Variants in ITPK1 observed in about 807,000 individuals in gnomAD.
The protein encoded by ITPK1 is inositol-tetrakisphosphate 1-kinase.
A neutral mutation model predicts 45.3 loss-of-function variants in ITPK1; 21 were observed. The ratio of observed to expected loss-of-function variants is 0.46; its 90% CI spans 0.33 to 0.67. The LOEUF (loss-of-function observed/expected upper bound fraction) is 0.67. Among genes scored for constraint, ITPK1 ranks in the 30% least tolerant of loss-of-function variants. The pLI is 0.02. For missense variants in ITPK1, 474 were observed against 573.5 expected, an observed-to-expected ratio of 0.83 and a Z score of 1.77; for synonymous variants, 258 against 253.6, an observed-to-expected ratio of 1.02 and a Z score of -0.16.
chr14:93,057,160 TC>T (rs914823004), intron 3 of ITPK1, among the ~76,000 whole-genome samples: 144 of 152,226 alleles, frequency 9.5e-4, no homozygotes, highest in African/African-American at 3.3e-3. Context: ...GCACAGTGAC[TC>T]CCCAGGGTCA....
intron 3 of ITPK1, among the ~76,000 whole-genome samples, chr14:93,048,342 T>C (rs375631793): frequency 8.5e-5 from 13 of 152,330 alleles, no homozygotes; most frequent in Admixed American, 5.2e-4. Flanking sequence ...CAAAAAACAA[T>C]TCCAACAAGC....
In ITPK1 at chr14:93,072,741, C is replaced by T. The variant is rs76427504; in HGVS notation, c.120+3854G>A. ...GTGATCCTCCCACCTCAGCCCCAAG[C>T]GGTCATACACCACCACACCCAACTA... On this transcript the variant is annotated intron_variant, in intron 3 of 10. Transcript: ENST00000267615. 1.3e-3 allele frequency among the ~76,000 whole-genome samples: 205 copies of T among 151,962 alleles called. 1 individual carries two copies. The East Asian group carries it at 0.035, about 26-fold the overall frequency.
At position 92,941,876 on chromosome 14, in the gene ITPK1, T is replaced by C. The variant is rs138417145; in HGVS notation, c.930A>G (p.Thr310=). Residue 310 remains threonine, a synonymous_variant, in exon 11 of 11, where the codon ACA becomes ACG. Transcript: ENST00000267615. The part of the protein sequence containing the change: ...PGYEGVSEFF[T]DLLNHIATVL... ...CAGTGGCGATGTGGTTCAGGAGGTCTGTGAAGAACTCGCTCACGCCCTCGT... is the reference window on the plus strand; with the variant it reads ...CAGTGGCGATGTGGTTCAGGAGGTCCGTGAAGAACTCGCTCACGCCCTCGT... The C allele has an allele frequency of 1.7e-5, 27 of 1,612,546 alleles. No individual in the cohort carries two copies. In the East Asian group the frequency reaches 5.6e-4, roughly 33 times the overall value.
At chr14:93,021,609 G>T (rs1033074633) in intron 3 of ITPK1, among the ~76,000 whole-genome samples, 1 of 141,932 alleles carries the variant, frequency 7.0e-6, no homozygotes, top group Admixed American at 7.3e-5. Context: ...AAAAAGAAAA[G>T]AAAAAGAAAA....
intron 4 of ITPK1, 119 bp from the exon 5 acceptor site, chr14:92,994,116 G>A (rs1886930017): frequency 2.9e-6 from 2 of 684,312 alleles, no homozygotes; most frequent in African/African-American, 1.7e-5. Context: ...AGCTTTGGTG[G>A]AGGGTGGTGC....
chr14:92,946,914 C>G (rs1193516914), intron 9 of ITPK1, among the ~76,000 whole-genome samples: 2 of 152,210 alleles, frequency 1.3e-5, no homozygotes, highest in Non-Finnish European at 2.9e-5. Context: ...CCCGGGAAGA[C>G]ATGGTGCAGA....
At chr14:93,115,493 C>A (rs139316751) in intron 1 of ITPK1, among the ~76,000 whole-genome samples, 188 bp from the exon 2 acceptor site, 22,572 of 149,364 alleles carry the variant, frequency 0.15, 2,109 homozygotes, top group South Asian at 0.28. Flanking sequence ...GGCTGGGGCA[C>A]GGCTGAGCCT....
chr14:92,980,523 T>C (rs1282443221), intron 5 of ITPK1, among the ~76,000 whole-genome samples: 1 of 152,122 alleles, frequency 6.6e-6, no homozygotes. Flanking sequence ...CTGCCTGGCC[T>C]TTGTCTGTGC....
At chr14:93,072,585 T>C (rs1228001384) in intron 3 of ITPK1, among the ~76,000 whole-genome samples, 5 of 151,600 alleles carry the variant, frequency 3.3e-5, no homozygotes, top group Non-Finnish European at 7.4e-5. Flanking sequence ...AGAATTACAG[T>C]AATCTAGTCA....
intron 5 of ITPK1, among the ~76,000 whole-genome samples, chr14:92,984,221 C>A (rs1198216252): frequency 6.6e-6 from 1 of 152,188 alleles, no homozygotes; most frequent in Non-Finnish European, 1.5e-5. Context: ...GAGGGCCCCA[C>A]ACACTAATAC....
At chr14:93,072,328 AAATTT>A (rs1891046435) in intron 3 of ITPK1, among the ~76,000 whole-genome samples, 2 of 151,864 alleles carry the variant, frequency 1.3e-5, no homozygotes, top group Non-Finnish European at 2.9e-5. Context: ...TAAATAAGTA[AAATTT>A]AATAAATAAA....
intron 5 of ITPK1, among the ~76,000 whole-genome samples, chr14:92,977,802 CTT>C (rs1347000259): frequency 6.6e-6 from 1 of 151,902 alleles, no homozygotes; most frequent in Non-Finnish European, 1.5e-5. Context: ...AACTAAAACT[CTT>C]TTCTTCATAA....
chr14:93,011,276 T>A (rs1026595999), intron 4 of ITPK1, among the ~76,000 whole-genome samples: 1 of 152,192 alleles, frequency 6.6e-6, no homozygotes, highest in Non-Finnish European at 1.5e-5. Context: ...CAAGCCCAGC[T>A]AAGCCTGTGC....
rs1462699153 is a variant in ITPK1, at chr14:92,940,739, C to G, written c.*822G>C. The G allele has an allele frequency of 4.7e-6, 6 of 1,288,996 alleles. No individual in the cohort carries two copies. The highest frequency in any genetic ancestry group is 6.1e-6 in the Non-Finnish European group (6 of 988,714). The allele number at this position is 1,288,996 out of a possible 1,614,324, so 79.8% of individuals were successfully genotyped here. A position where few individuals can be genotyped will look rare whatever the true frequency, so the allele number is the denominator to read the frequency against. On this transcript the variant is annotated 3_prime_UTR_variant, in exon 11 of 11. Coordinates refer to ENST00000267615, the MANE Select transcript of ITPK1 (RefSeq NM_014216.6). ...GACAAGGGGGTGGAGGCCCAAAGAC[C>G]TGGAATGATTTGCCCAAATCACAGC...
At chr14:92,982,142 A>AT (rs1356844966) in intron 5 of ITPK1, among the ~76,000 whole-genome samples, 1 of 152,362 alleles carries the variant, frequency 6.6e-6, no homozygotes, top group African/African-American at 2.4e-5. Context: ...CATTGAACTT[A>AT]TAAGTATGCA....
intron 2 of ITPK1, among the ~76,000 whole-genome samples, chr14:93,103,610 G>A (rs979992827): frequency 6.6e-6 from 1 of 152,116 alleles, no homozygotes; most frequent in African/African-American, 2.4e-5. Flanking sequence ...GGAGTGCCCA[G>A]CATACAGCAG....
intron 3 of ITPK1, among the ~76,000 whole-genome samples, chr14:93,020,096 C>T (rs1248513521): frequency 6.6e-6 from 1 of 152,126 alleles, no homozygotes; most frequent in Non-Finnish European, 1.5e-5. Flanking sequence ...CTCTGTGTGG[C>T]GCTTGGAGTT....
chr14:93,062,149 T>C (rs1024671710), intron 3 of ITPK1, among the ~76,000 whole-genome samples: 1 of 152,138 alleles, frequency 6.6e-6, no homozygotes, highest in Non-Finnish European at 1.5e-5. Flanking sequence ...CGCGTGCCTG[T>C]AATCTCAGTT....
In ITPK1 at chr14:93,063,263, C is replaced by T. The variant is rs1028713160; in HGVS notation, c.120+13332G>A. Among the ~76,000 whole-genome samples, 9 of 152,318 alleles carry T rather than the reference C, an allele frequency of 5.9e-5. No individual in the cohort carries two copies. Among genetic ancestry groups the T allele is most frequent in the Admixed American group, 5.9e-4 (9 of 15,310 alleles). On this transcript the variant is annotated intron_variant, in intron 3 of 10. Coordinates refer to ENST00000267615, the MANE Select transcript of ITPK1 (RefSeq NM_014216.6). This position sits in a 1 kb window ranked among gnomAD's most constrained non-coding sequence, Gnocchi z 4.3. ...AGGAAGGGAGTGAGCCAAGGTCTGC[C>T]TCCAAGCCAGGACCCACACCCTCCT...
Sources: allele counts gnomAD v4.1 joint callset (sites outside exome capture counted in the v4.1 genomes callset), GRCh38; gene constraint gnomAD v4.1.1; non-coding constraint Gnocchi (gnomAD v3.1); transcripts MANE v1.5; gene names NCBI Gene and HGNC (gene_info 2026-07-23, HGNC 2026-07-21).